DOCK2: variants seen among roughly 807,000 people sequenced by gnomAD.
DOCK2 encodes the protein dedicator of cytokinesis protein 2.
DOCK2 carries 87 observed loss-of-function variants against 248.9 expected under a neutral mutation model. The observed-to-expected ratio is 0.35, with a 90% CI of 0.29 to 0.42. The LOEUF (loss-of-function observed/expected upper bound fraction) is 0.42, where lower values mean the gene tolerates loss of function less well. Ranked by LOEUF, DOCK2 falls within the 10% of genes least tolerant of loss-of-function variation. The probability of loss-of-function intolerance (pLI) is 1.00; values close to 1 mark genes in which losing one functional copy is unlikely to be tolerated. For missense variants in DOCK2, 1,747 were observed against 2,300.2 expected, an observed-to-expected ratio of 0.76 and a Z score of 4.92; for synonymous variants, 805 against 821.6, an observed-to-expected ratio of 0.98 and a Z score of 0.35.
intron 32 of DOCK2, among the ~76,000 whole-genome samples, chr5:170,009,897 T>A (rs149739948): frequency 6.6e-6 from 1 of 152,320 alleles, no homozygotes; most frequent in East Asian, 1.9e-4. Context: ...TGCAGGTTGG[T>A]TCACAAAGCC....
intron 46 of DOCK2, among the ~76,000 whole-genome samples, chr5:170,072,295 C>G (rs1017764539): frequency 6.6e-6 from 1 of 152,162 alleles, no homozygotes; most frequent in Non-Finnish European, 1.5e-5. Flanking sequence ...GTATCTGTAG[C>G]TTCTTTGGCT....
intron 14 of DOCK2, among the ~76,000 whole-genome samples, chr5:169,705,189 T>C (rs1304350809): frequency 6.6e-6 from 1 of 151,786 alleles, no homozygotes; most frequent in African/African-American, 2.4e-5. Context: ...ACGCCATAGG[T>C]ATAAGGCACC....
chr5:169,731,405 C>T (rs1762760347), intron 22 of DOCK2, among the ~76,000 whole-genome samples: 1 of 152,164 alleles, frequency 6.6e-6, no homozygotes, highest in South Asian at 2.1e-4. Flanking sequence ...CCTGCACAAG[C>T]TCCCTCTTTG....
Position 169,727,067 on chromosome 5 carries a change from C to CA in DOCK2, c.2267+8290dup, listed in dbSNP as rs796894886. Among the ~76,000 whole-genome samples the CA allele has an allele frequency of 7.1e-3, 636 of 89,152 alleles. 3 individuals are homozygous for CA. The highest frequency in any genetic ancestry group is 8.1e-3 in the Middle Eastern group (1 of 124). 58.5% of individuals were successfully genotyped at this position (89,152 alleles called of 152,430 possible). ...TGAGTGATAGAGTGCGACCCTGTCT[C>CA]AAAAAAAAAAAAAAGAAAAAAGAAA... On this transcript the variant is annotated intron_variant, in intron 22 of 51. Coordinates refer to ENST00000520908, the MANE Select transcript of DOCK2 (RefSeq NM_004946.3).
chr5:169,976,746 G>A (rs1416733784), intron 27 of DOCK2, among the ~76,000 whole-genome samples: 1 of 152,190 alleles, frequency 6.6e-6, no homozygotes, highest in Non-Finnish European at 1.5e-5. Context: ...CTGGCCCCTT[G>A]TCTGTGCTTA....
At chr5:169,883,467 C>T (rs1356833356) in intron 27 of DOCK2, 1 of 1,551,644 alleles carries the variant, frequency 6.4e-7, no homozygotes, top group South Asian at 1.2e-5. Context: ...GGTCAGAAGA[C>T]ACAATGTCCT....
At chr5:169,731,404 G>T (rs1391005151) in intron 22 of DOCK2, among the ~76,000 whole-genome samples, 3 of 152,146 alleles carry the variant, frequency 2.0e-5, no homozygotes, top group Non-Finnish European at 4.4e-5. Flanking sequence ...TCCTGCACAA[G>T]CTCCCTCTTT....
intron 36 of DOCK2, among the ~76,000 whole-genome samples, chr5:170,037,471 CA>C (rs71575268): frequency 0.1 from 14,633 of 143,544 alleles, 946 homozygotes; most frequent in Non-Finnish European, 0.15. Context: ...ATAAAAAGCA[CA>C]AAAACAAATT....
chr5:169,942,371 G>A (rs1776276593), intron 27 of DOCK2, among the ~76,000 whole-genome samples: 2 of 152,190 alleles, frequency 1.3e-5, no homozygotes, highest in Admixed American at 1.3e-4. Flanking sequence ...GGAGAAATAT[G>A]TAAAGATGCC....
intron 27 of DOCK2, among the ~76,000 whole-genome samples, chr5:169,969,906 C>T (rs972380025): frequency 3.3e-5 from 5 of 152,356 alleles, no homozygotes; most frequent in Middle Eastern, 6.8e-3. Context: ...AACTGAATAT[C>T]CAAAATTCAA....
At chr5:169,762,065 T>G (rs1321012118) in intron 25 of DOCK2, among the ~76,000 whole-genome samples, 1 of 152,216 alleles carries the variant, frequency 6.6e-6, no homozygotes, top group Non-Finnish European at 1.5e-5. Flanking sequence ...GAATTAACAT[T>G]TTTTAAAGTT....
At chr5:169,854,296 G>A (rs261042) in intron 27 of DOCK2, among the ~76,000 whole-genome samples, 51,347 of 151,036 alleles carry the variant, frequency 0.34, 9,591 homozygotes, top group East Asian at 0.68. Flanking sequence ...AGGGATTCTT[G>A]AGCCTCAGCC....
chr5:169,943,872 A>G lies in DOCK2; in HGVS notation c.2800-39196A>G, dbSNP rs964755394. 3.3e-5 allele frequency among the ~76,000 whole-genome samples: 5 copies of G among 152,206 alleles called. No homozygotes were observed. In the East Asian group the frequency reaches 9.6e-4, roughly 29 times the overall value. Reference sequence around the variant, plus strand: ...CCTTACCCCATGGTAAGGGATGAGCACTGGAAAATGAAGGGAACTGCTTCT... The same window carrying G: ...CCTTACCCCATGGTAAGGGATGAGCGCTGGAAAATGAAGGGAACTGCTTCT... On this transcript the variant is annotated intron_variant, in intron 27 of 51. Transcript: ENST00000520908.
At chr5:170,030,159 A>T (rs891249786) in intron 34 of DOCK2, among the ~76,000 whole-genome samples, 2 of 152,234 alleles carry the variant, frequency 1.3e-5, no homozygotes, top group Admixed American at 1.3e-4. Flanking sequence ...TTATAAGCGG[A>T]TGGGGCTCTG....
chr5:169,748,937 C>T (rs1002041229), intron 23 of DOCK2, among the ~76,000 whole-genome samples: 2 of 152,196 alleles, frequency 1.3e-5, no homozygotes, highest in African/African-American at 2.4e-5. Flanking sequence ...AACTGAGGCT[C>T]AGAAAGCTGA....
chr5:170,012,627 C>A (rs1307535002), intron 32 of DOCK2, among the ~76,000 whole-genome samples: 2 of 152,156 alleles, frequency 1.3e-5, no homozygotes, highest in African/African-American at 2.4e-5. Context: ...GGGAGAAAGA[C>A]AACATGTGGT....
chr5:169,815,726 T>C (rs1768030397), intron 26 of DOCK2, among the ~76,000 whole-genome samples: 2 of 152,192 alleles, frequency 1.3e-5, no homozygotes, highest in Non-Finnish European at 2.9e-5. Flanking sequence ...TTTTGCCCCC[T>C]AGGTTAGTGT....
chr5:169,781,996 G>A (rs1471517487), intron 25 of DOCK2, among the ~76,000 whole-genome samples: 1 of 152,186 alleles, frequency 6.6e-6, no homozygotes, highest in Non-Finnish European at 1.5e-5. Flanking sequence ...GTCTCTGGGT[G>A]CAGTGGCAGG....
chr5:170,039,795 G>A (rs548754556), intron 36 of DOCK2, among the ~76,000 whole-genome samples: 1 of 152,304 alleles, frequency 6.6e-6, no homozygotes, highest in Non-Finnish European at 1.5e-5. Flanking sequence ...TGTGTTCCCT[G>A]GTGTGAGACA....
Sources: allele counts gnomAD v4.1 joint callset (sites outside exome capture counted in the v4.1 genomes callset), GRCh38; gene constraint gnomAD v4.1.1; transcripts MANE v1.5; gene names NCBI Gene and HGNC (gene_info 2026-07-23, HGNC 2026-07-21).